Variants in TTC39B observed in about 807,000 individuals in gnomAD.
TTC39B encodes tetratricopeptide repeat protein 39B.
In TTC39B, 92 loss-of-function variants were observed where a neutral mutation model predicts 96.6. The observed-to-expected ratio is 0.95, with a 90% CI of 0.80 to 1.13. The LOEUF is 1.13. Among genes scored for constraint, TTC39B ranks in the 50% most tolerant of loss-of-function variants. TTC39B has a pLI of 0.00. For missense variants in TTC39B, 955 were observed against 809.3 expected, an observed-to-expected ratio of 1.18 and a Z score of -2.18; for synonymous variants, 367 against 299.4, an observed-to-expected ratio of 1.23 and a Z score of -2.33.
In TTC39B at chr9:15,189,807, G is replaced by A. The variant is rs2118771428; in HGVS notation, c.1106-15C>T. The A allele has an allele frequency of 6.3e-7, 1 of 1,580,266 alleles. No homozygotes were observed. Among genetic ancestry groups the A allele is most frequent in the Non-Finnish European group, 8.7e-7 (1 of 1,155,578 alleles). Reference sequence around the variant, plus strand: ...TTCTCCTGTACCTAGAAATTTAACAGGAAAAGACTCAGTCTTCATAAGACA... The same window carrying A: ...TTCTCCTGTACCTAGAAATTTAACAAGAAAAGACTCAGTCTTCATAAGACA... On this transcript the variant is annotated splice_polypyrimidine_tract_variant and intron_variant, in intron 11 of 19. Coordinates refer to ENST00000512701, the Ensembl canonical transcript of TTC39B.
intron 3 of TTC39B, among the ~76,000 whole-genome samples, chr9:15,217,480 A>G (rs1027821877): frequency 6.6e-6 from 1 of 152,138 alleles, no homozygotes; most frequent in East Asian, 1.9e-4. Context: ...GTGGTTTACG[A>G]TGATGCTCAC....
intron 5 of TTC39B, 125 bp from the exon 6 acceptor site, chr9:15,210,289 C>A: frequency 1.6e-6 from 1 of 638,494 alleles, no homozygotes; most frequent in Admixed American, 3.1e-5. Flanking sequence ...AACTCTAAAC[C>A]CTGAAGTCTA....
At chr9:15,187,073 A>C (rs771711383) in intron 14 of TTC39B, 38 bp from the exon 15 acceptor site, 1 of 1,483,074 alleles carries the variant, frequency 6.7e-7, no homozygotes, top group South Asian at 1.3e-5. Context: ...GAACATCCCT[A>C]GGTAAATGAC....
chr9:15,237,568 C>A (rs1202268004), intron 2 of TTC39B, among the ~76,000 whole-genome samples: 1 of 150,960 alleles, frequency 6.6e-6, no homozygotes, highest in Non-Finnish European at 1.5e-5. Flanking sequence ...TACAAACTCC[C>A]AAGATTGAAA....
intron 2 of TTC39B, among the ~76,000 whole-genome samples, chr9:15,229,397 G>C (rs1208381022): frequency 6.6e-6 from 1 of 152,156 alleles, no homozygotes; most frequent in Non-Finnish European, 1.5e-5. Context: ...TGTTTGGCTT[G>C]CTATTTACTA....
At chr9:15,203,758 C>A in intron 7 of TTC39B, 65 bp downstream of exon 7, 3 of 1,341,236 alleles carry the variant, frequency 2.2e-6, no homozygotes, top group Non-Finnish European at 3.1e-6. Flanking sequence ...GAATGCACCA[C>A]ATTTTTCTAT....
intron 8 of TTC39B, among the ~76,000 whole-genome samples, chr9:15,196,704 A>G (rs1747500203): frequency 1.3e-5 from 2 of 152,236 alleles, no homozygotes; most frequent in Admixed American, 6.5e-5. Context: ...TGAAATGACA[A>G]CAAAGGATTT....
chr9:15,256,834 G>T (rs1286038699), intron 2 of TTC39B, among the ~76,000 whole-genome samples: 1 of 152,138 alleles, frequency 6.6e-6, no homozygotes, highest in African/African-American at 2.4e-5. Flanking sequence ...GGCAAGAGTT[G>T]CCCTCGATGA....
chr9:15,224,817 G>C (rs897702645), intron 3 of TTC39B, among the ~76,000 whole-genome samples: 16 of 152,102 alleles, frequency 1.1e-4, no homozygotes, highest in Non-Finnish European at 2.1e-4. Flanking sequence ...GAAAACAAAT[G>C]CCTTAAGATC....
In TTC39B at chr9:15,167,773, A is replaced by T. The variant is rs1024512076; in HGVS notation, c.*4246T>A. The T allele has an allele frequency of 2.6e-5, 4 of 152,314 alleles. No individual in the cohort carries two copies. The East Asian group carries it at 7.7e-4, about 29-fold the overall frequency. The allele number at this position is 152,314 out of a possible 1,614,324, so 9.4% of individuals were successfully genotyped here. A position where few individuals can be genotyped will look rare whatever the true frequency, so the allele number is the denominator to read the frequency against. ...GTCTCAAAAAATATATATATTAATC[A>T]TGAAATCTATCTTCTCAAAGATGTG... is the stretch of plus-strand genomic sequence containing the variant. On this transcript the variant is annotated 3_prime_UTR_variant, in exon 20 of 20. Coordinates refer to ENST00000512701, the Ensembl canonical transcript of TTC39B.
At chr9:15,234,982 C>A (rs1821703073) in intron 2 of TTC39B, among the ~76,000 whole-genome samples, 1 of 149,988 alleles carries the variant, frequency 6.7e-6, no homozygotes, top group African/African-American at 2.5e-5. Flanking sequence ...TGTCCTATGA[C>A]CCTGCCAAAT....
intron 1 of TTC39B, among the ~76,000 whole-genome samples, chr9:15,279,892 C>CTTTTTTTTTTTTTTT (rs1164750793): frequency 6.9e-5 from 7 of 101,846 alleles, no homozygotes; most frequent in East Asian, 2.5e-4. Context: ...TTTTTCTTTT[C>CTTTTTTTTTTTTTTT]TTTTTTTTTT....
chr9:15,235,904 A>G (rs1205219529), intron 2 of TTC39B, among the ~76,000 whole-genome samples: 2 of 150,564 alleles, frequency 1.3e-5, no homozygotes, highest in African/African-American at 4.8e-5. Context: ...CAACTACACA[A>G]TTGAAACTCC....
In TTC39B at chr9:15,264,359, A is replaced by G. The variant is rs554212015; in HGVS notation, c.275+3555T>C. ...CTTCCTTGCCACAGGAGGAAAAAAA[A>G]TGGGTAACTAGGCCAGGCGCAGTGG... On this transcript the variant is annotated intron_variant, in intron 2 of 19. Coordinates refer to ENST00000512701, the Ensembl canonical transcript of TTC39B. 3.3e-5 allele frequency among the ~76,000 whole-genome samples: 5 copies of G among 152,264 alleles called. No individual in the cohort carries two copies. The East Asian group carries it at 9.6e-4, about 29-fold the overall frequency.
intron 1 of TTC39B, among the ~76,000 whole-genome samples, chr9:15,291,575 A>C (rs562231333): frequency 6.6e-6 from 1 of 152,366 alleles, no homozygotes; most frequent in South Asian, 2.1e-4. Context: ...TGTAGAGTTC[A>C]TATGGATGAT....
chr9:15,295,718 T>C (rs528825161), intron 1 of TTC39B, among the ~76,000 whole-genome samples: 3 of 152,314 alleles, frequency 2.0e-5, no homozygotes, highest in Admixed American at 6.5e-5. Context: ...TCTGACTTCA[T>C]CCTTCATAAA....
chr9:15,172,044 A>T (rs1487756109), exon 20 of TTC39B: 2 of 1,612,776 alleles, frequency 1.2e-6, no homozygotes, highest in Non-Finnish European at 1.7e-6. Context: ...TTTTCTCCAG[A>T]GGTGAAGAGC....
rs142900421 is a variant in TTC39B at position 15,188,066 on chromosome 9, A to G, written c.1300T>C (p.Tyr434His). Reference sequence around the variant, plus strand: ...ACATTAATCCACATTAGCTCCCAGTAGCAGAGATGGTGAAACTGTTTCCAT... The same window carrying G: ...ACATTAATCCACATTAGCTCCCAGTGGCAGAGATGGTGAAACTGTTTCCAT... Residue 434 changes from tyrosine (Y) to histidine (H), a missense_variant, in exon 14 of 20, where the codon TAC becomes CAC. By Grantham distance (83) the Tyr-to-His change is moderately conservative (BLOSUM62 2). Coordinates refer to ENST00000512701, the Ensembl canonical transcript of TTC39B. The G allele has an allele frequency of 1.2e-4, 199 of 1,612,096 alleles. No homozygotes were observed. The highest frequency in any genetic ancestry group is 1.7e-4 in the Non-Finnish European group (196 of 1,179,158).
At chr9:15,166,257 T>C (rs1216050106) in exon 20 of TTC39B, 1 of 152,240 alleles carries the variant, frequency 6.6e-6, no homozygotes, top group African/African-American at 2.4e-5. Flanking sequence ...TTCTTTTCAG[T>C]TAAATACAGT....
Sources: gnomAD v4.1 joint callset for allele counts (sites outside exome capture counted in the v4.1 genomes callset) on GRCh38, gnomAD v4.1.1 for gene constraint, MANE v1.5 for transcripts, NCBI Gene and HGNC (gene_info 2026-07-23, HGNC 2026-07-21) for gene names.